Variants in MGMT observed in about 807,000 individuals in gnomAD.
MGMT encodes the protein O-6-methylguanine-DNA methyltransferase.
Under a neutral mutation model 15.9 loss-of-function variants are expected in MGMT, and 14 were observed. That is an observed-to-expected ratio of 0.88 (90% confidence interval 0.58 to 1.37). The LOEUF is 1.37. Ranked by LOEUF, MGMT falls within the 40% of genes most tolerant of loss-of-function variation. The pLI, the probability that MGMT is intolerant of heterozygous loss-of-function variation, is 0.00. For synonymous variants in MGMT, 130 were observed against 118.2 expected (o/e 1.10, Z -0.65); for missense variants, 282 against 268.1 (o/e 1.05, Z -0.36).
chr10:129,634,951 T>C (rs113328241), intron 2 of MGMT, among the ~76,000 whole-genome samples: 7 of 152,362 alleles, frequency 4.6e-5, no homozygotes, highest in African/African-American at 1.7e-4. Flanking sequence ...TTCCTTGAGC[T>C]TTGTTCTGGG....
chr10:129,506,943 G>C (rs1035899130), intron 1 of MGMT, among the ~76,000 whole-genome samples: 3 of 149,146 alleles, frequency 2.0e-5, no homozygotes, highest in Admixed American at 2.0e-4. Context: ...TGTGGGCCCT[G>C]AGCCCATCTG....
At chr10:129,506,835 C>T (rs530564256) in intron 1 of MGMT, among the ~76,000 whole-genome samples, 3 of 152,360 alleles carry the variant, frequency 2.0e-5, no homozygotes, top group African/African-American at 7.2e-5. Context: ...CAAAACTCCT[C>T]CTCCTATGAA....
intron 1 of MGMT, among the ~76,000 whole-genome samples, chr10:129,471,025 A>C (rs1845224515): frequency 6.6e-6 from 1 of 152,192 alleles, no homozygotes; most frequent in South Asian, 2.1e-4. Flanking sequence ...AAGTCAGCAG[A>C]GGCTCCCACC....
intron 2 of MGMT, among the ~76,000 whole-genome samples, chr10:129,663,014 A>C (rs755582815): frequency 5.3e-5 from 8 of 152,238 alleles, no homozygotes; most frequent in African/African-American, 1.9e-4. Context: ...GCCACAAGTA[A>C]GGAATGATAC....
At chr10:129,667,759 C>T (rs558244237) in intron 2 of MGMT, among the ~76,000 whole-genome samples, 1 of 152,320 alleles carries the variant, frequency 6.6e-6, no homozygotes, top group South Asian at 2.1e-4. Context: ...CACTCGGGTG[C>T]CCGTTTGGTA....
intron 2 of MGMT, among the ~76,000 whole-genome samples, chr10:129,628,528 T>C (rs1847175801): frequency 6.6e-6 from 1 of 152,296 alleles, no homozygotes; most frequent in Middle Eastern, 3.4e-3. Context: ...TGGTGCTTTC[T>C]GTGCATCTCC....
intron 2 of MGMT, among the ~76,000 whole-genome samples, chr10:129,618,869 C>G (rs1847058961): frequency 8.6e-6 from 1 of 115,776 alleles, no homozygotes; most frequent in South Asian, 3.3e-4. Context: ...CAAATTTATT[C>G]TAGTTCTAGT....
chr10:129,661,087 A>G (rs997401409), intron 2 of MGMT, among the ~76,000 whole-genome samples: 3 of 152,132 alleles, frequency 2.0e-5, no homozygotes, highest in East Asian at 3.8e-4. Context: ...TACATAGTAT[A>G]TTCTTTTGTG....
intron 3 of MGMT, among the ~76,000 whole-genome samples, chr10:129,730,729 A>G (rs886439039): frequency 6.6e-5 from 10 of 152,042 alleles, no homozygotes; most frequent in Non-Finnish European, 1.3e-4. Context: ...TTTGCACAGC[A>G]TGATTCTATT....
chr10:129,620,201 A>G (rs1452266124), intron 2 of MGMT, among the ~76,000 whole-genome samples: 1 of 152,204 alleles, frequency 6.6e-6, no homozygotes, highest in African/African-American at 2.4e-5. Flanking sequence ...AGCATTCTAC[A>G]TGTTTTGATA....
intron 3 of MGMT, among the ~76,000 whole-genome samples, chr10:129,753,331 T>C (rs1848769960): frequency 6.6e-6 from 1 of 152,178 alleles, no homozygotes; most frequent in African/African-American, 2.4e-5. Context: ...TTTGCAGTTT[T>C]TTGGGCATCT....
chr10:129,764,724 C>G (rs1192602582), intron 4 of MGMT, among the ~76,000 whole-genome samples: 3 of 152,320 alleles, frequency 2.0e-5, no homozygotes, highest in African/African-American at 7.2e-5. Context: ...CCGGGGGTAC[C>G]CGGAGTGATA....
intron 4 of MGMT, among the ~76,000 whole-genome samples, chr10:129,766,150 G>C (rs1425569616): frequency 6.6e-6 from 1 of 152,166 alleles, no homozygotes; most frequent in African/African-American, 2.4e-5. Context: ...ATCAGCACAG[G>C]GCATCCTGAG....
chr10:129,574,221 C>G (rs1351005027), intron 2 of MGMT, among the ~76,000 whole-genome samples: 1 of 152,200 alleles, frequency 6.6e-6, no homozygotes, highest in African/African-American at 2.4e-5. Context: ...AAAAAACTAT[C>G]ACTTTAAAAG....
intron 1 of MGMT, among the ~76,000 whole-genome samples, chr10:129,503,694 G>GT (rs1845597606): frequency 6.6e-6 from 1 of 152,208 alleles, no homozygotes; most frequent in South Asian, 2.1e-4. Flanking sequence ...GTTATGCCTA[G>GT]TTGCATCACC....
intron 1 of MGMT, among the ~76,000 whole-genome samples, chr10:129,468,378 G>A (rs1011457988): frequency 6.6e-6 from 1 of 152,042 alleles, no homozygotes; most frequent in Non-Finnish European, 1.5e-5. Flanking sequence ...TAACTCAGAG[G>A]GCCAGGATAC....
intron 2 of MGMT, among the ~76,000 whole-genome samples, chr10:129,650,374 T>C (rs1049002164): frequency 6.6e-6 from 1 of 152,214 alleles, no homozygotes; most frequent in African/African-American, 2.4e-5. Flanking sequence ...CGCGAGCACA[T>C]GTGCAGGTCT....
intron 3 of MGMT, among the ~76,000 whole-genome samples, chr10:129,744,267 G>A (rs760642455): frequency 5.3e-5 from 8 of 152,200 alleles, no homozygotes; most frequent in Non-Finnish European, 1.2e-4. Flanking sequence ...GGCATTGGAC[G>A]GGGCTGCTGT....
chr10:129,626,712 A>G (rs1174625488), intron 2 of MGMT, among the ~76,000 whole-genome samples: 1 of 152,246 alleles, frequency 6.6e-6, no homozygotes, highest in Non-Finnish European at 1.5e-5. Flanking sequence ...TCCACTGGAC[A>G]GTGCCATTTT....
Sources: allele counts gnomAD v4.1 joint callset (sites outside exome capture counted in the v4.1 genomes callset), GRCh38; gene constraint gnomAD v4.1.1; transcripts MANE v1.5; gene names NCBI Gene and HGNC (gene_info 2026-07-23, HGNC 2026-07-21).